Variants in GPM6A observed in about 807,000 individuals in gnomAD.
GPM6A encodes neuronal membrane glycoprotein M6-a.
A neutral mutation model predicts 32.1 loss-of-function variants in GPM6A; 7 were observed. The observed-to-expected ratio is 0.22, with a 90% CI of 0.12 to 0.41. The LOEUF (loss-of-function observed/expected upper bound fraction) is 0.41, where lower values mean the gene tolerates loss of function less well. GPM6A is among the 10% of genes least tolerant of loss of function. The pLI is 1.00. For synonymous variants in GPM6A, 130 were observed against 123.4 expected (o/e 1.05, Z -0.35); for missense variants, 235 against 347.2 (o/e 0.68, Z 2.57).
chr4:175,777,608 C>T (rs1733446965), intron 1 of GPM6A, among the ~76,000 whole-genome samples: 1 of 151,916 alleles, frequency 6.6e-6, no homozygotes, highest in African/African-American at 2.4e-5. Flanking sequence ...TGGGATTAGC[C>T]TTTATATTTT....
intron 1 of GPM6A, among the ~76,000 whole-genome samples, chr4:175,860,554 T>C (rs761669278): frequency 2.6e-5 from 4 of 152,178 alleles, no homozygotes; most frequent in Non-Finnish European, 5.9e-5. Context: ...ATCCATAATT[T>C]AAAATATTCC....
At chr4:176,001,937 C>G (rs1344876252) in intron 1 of GPM6A, among the ~76,000 whole-genome samples, 1 of 152,198 alleles carries the variant, frequency 6.6e-6, no homozygotes. Flanking sequence ...CCTCGCTATT[C>G]GGATCCTGGG....
At chr4:175,885,007 T>G (rs749466266) in intron 1 of GPM6A, among the ~76,000 whole-genome samples, 2 of 152,194 alleles carry the variant, frequency 1.3e-5, no homozygotes, top group Non-Finnish European at 2.9e-5. Flanking sequence ...GGAACTCTCA[T>G]GCAAATCTTA....
intron 2 of GPM6A, among the ~76,000 whole-genome samples, chr4:175,688,910 C>T (rs748440448): frequency 2.0e-5 from 3 of 152,198 alleles, no homozygotes; most frequent in South Asian, 2.1e-4. Context: ...TGAAGTGTAG[C>T]GGTGCAATCA....
At chr4:175,661,554 C>G (rs141318090) in intron 3 of GPM6A, among the ~76,000 whole-genome samples, 1 of 152,124 alleles carries the variant, frequency 6.6e-6, no homozygotes, top group African/African-American at 2.4e-5. Context: ...AAAGGTGTTT[C>G]CATTGTTTGA....
At chr4:175,703,565 T>C (rs1232371722) in intron 1 of GPM6A, among the ~76,000 whole-genome samples, 1 of 152,232 alleles carries the variant, frequency 6.6e-6, no homozygotes, top group Non-Finnish European at 1.5e-5. Flanking sequence ...TTTTGAAGTC[T>C]CATCACTTTT....
At chr4:175,820,883 T>A (rs1735259150) in intron 1 of GPM6A, among the ~76,000 whole-genome samples, 1 of 152,234 alleles carries the variant, frequency 6.6e-6, no homozygotes, top group Non-Finnish European at 1.5e-5. Flanking sequence ...TTAATGTATA[T>A]GCGGATCTGT....
At chr4:175,859,034 T>G (rs759744662) in intron 1 of GPM6A, among the ~76,000 whole-genome samples, 2 of 152,172 alleles carry the variant, frequency 1.3e-5, no homozygotes, top group Non-Finnish European at 2.9e-5. Flanking sequence ...TCTATGGTGA[T>G]AGAAGGAAGA....
intron 6 of GPM6A, among the ~76,000 whole-genome samples, chr4:175,636,188 C>T (rs1232711244): frequency 6.8e-6 from 1 of 146,292 alleles, no homozygotes; most frequent in Non-Finnish European, 1.5e-5. Context: ...ATATTGTAAG[C>T]CACCTGAAAG....
At chr4:175,855,999 G>A (rs920247518) in intron 1 of GPM6A, among the ~76,000 whole-genome samples, 1 of 152,098 alleles carries the variant, frequency 6.6e-6, no homozygotes, top group African/African-American at 2.4e-5. Context: ...GAGATCATTG[G>A]ACAAATGACT....
At chr4:175,885,535 G>A (rs1737424530) in intron 1 of GPM6A, among the ~76,000 whole-genome samples, 1 of 152,068 alleles carries the variant, frequency 6.6e-6, no homozygotes. Context: ...GGAGGCTGAG[G>A]TGGGCAGATG....
chr4:175,713,769 G>A (rs1745683099), intron 1 of GPM6A, among the ~76,000 whole-genome samples: 1 of 152,152 alleles, frequency 6.6e-6, no homozygotes, highest in Admixed American at 6.5e-5. Flanking sequence ...AAAATTCGCA[G>A]CGTTCAAAGG....
upstream of GPM6A, among the ~76,000 whole-genome samples, chr4:175,815,200 C>T (rs529196552): frequency 2.6e-5 from 4 of 152,082 alleles, no homozygotes; most frequent in South Asian, 4.2e-4. Context: ...TAGTGGAGAC[C>T]GGGTTGGTTT....
chr4:175,668,936 C>T lies in GPM6A; in HGVS notation c.387+4744G>A, dbSNP rs141673535. ...AGGGAAGCCCTAATCATGAGGTTAG[C>T]GGCATGGACTCTGTGCCAGATGCTT... is the stretch of plus-strand genomic sequence containing the variant. On this transcript the variant is annotated intron_variant, in intron 3 of 6. Transcript: ENST00000393658. Among the ~76,000 whole-genome samples the T allele has an allele frequency of 1.1e-3, 165 of 152,190 alleles. 1 individual carries two copies. The highest frequency in any genetic ancestry group is 3.7e-3 in the African/African-American group (152 of 41,536).
At chr4:175,800,619 T>A (rs1324126042) in intron 1 of GPM6A, among the ~76,000 whole-genome samples, 2 of 152,192 alleles carry the variant, frequency 1.3e-5, no homozygotes, top group Non-Finnish European at 2.9e-5. Context: ...CTTCATCATA[T>A]TTCTAAAACA....
At chr4:175,745,330 A>G (rs1330638878) in intron 1 of GPM6A, among the ~76,000 whole-genome samples, 1 of 152,198 alleles carries the variant, frequency 6.6e-6, no homozygotes, top group Non-Finnish European at 1.5e-5. Context: ...TAAGCAGATG[A>G]AAGTGTTTTC....
rs1487971069 is a variant in GPM6A at position 175,951,755 on chromosome 4, G to C, written c.-23+50554C>G. Among the ~76,000 whole-genome samples, 3 of 152,296 alleles carry C rather than the reference G, an allele frequency of 2.0e-5. No individual in the cohort carries two copies. The East Asian group carries it at 5.8e-4, about 29-fold the overall frequency. On this transcript the variant is annotated intron_variant, in intron 1 of 7. Transcript: ENST00000280187. ...ATTTATATTACCTGGGTAGTTAATG[G>C]TATTGGTTAATGCGGAGCGTGTTTG...
intron 1 of GPM6A, among the ~76,000 whole-genome samples, chr4:175,782,391 C>T (rs1579494528): frequency 6.6e-6 from 1 of 152,042 alleles, no homozygotes; most frequent in African/African-American, 2.4e-5. Context: ...CACCCTTATG[C>T]AGAATCTCTC....
intron 4 of GPM6A, among the ~76,000 whole-genome samples, chr4:175,650,455 C>T (rs2110915878): frequency 6.6e-6 from 1 of 152,144 alleles, no homozygotes; most frequent in South Asian, 2.1e-4. Context: ...CAGGCATGTG[C>T]CACCATGCCT....
Sources: allele counts gnomAD v4.1 joint callset (sites outside exome capture counted in the v4.1 genomes callset), GRCh38; gene constraint gnomAD v4.1.1; transcripts MANE v1.5; gene names NCBI Gene and HGNC (gene_info 2026-07-23, HGNC 2026-07-21).